GPR21: variants seen among roughly 807,000 people sequenced by gnomAD.
GPR21 encodes the protein probable G protein-coupled receptor 21.
GPR21 carries 9 observed loss-of-function variants against 21.5 expected under a neutral mutation model. The ratio of observed to expected loss-of-function variants is 0.42; its 90% CI spans 0.25 to 0.73. GPR21 has a LOEUF of 0.73. Ranked by LOEUF, GPR21 falls within the 30% of genes least tolerant of loss-of-function variation. The pLI, the probability that GPR21 is intolerant of heterozygous loss-of-function variation, is 0.27. For missense variants in GPR21, 416 were observed against 428.9 expected (o/e 0.97, Z 0.27); for synonymous variants, 169 against 159.3 (o/e 1.06, Z -0.46).
the GPR21 span, among the ~76,000 whole-genome samples, chr9:123,041,667 A>G: frequency 6.6e-6 from 1 of 152,204 alleles, no homozygotes; most frequent in Admixed American, 6.5e-5. Context: ...AGAATTTTGG[A>G]ATATGGAAAT....
At chr9:123,038,365 T>C (rs2032779328), downstream of GPR21, among the ~76,000 whole-genome samples, 2 of 152,146 alleles carry the variant, frequency 1.3e-5, no homozygotes, top group Admixed American at 6.6e-5. Context: ...TTGGGAAAAC[T>C]TGAATTTTTT....
chr9:123,037,528 G>A (rs1408589612), downstream of GPR21, among the ~76,000 whole-genome samples: 3 of 152,090 alleles, frequency 2.0e-5, no homozygotes, highest in African/African-American at 7.2e-5. Context: ...AAAAATGGTT[G>A]TATTGTATAC....
chr9:123,036,855 A>G (rs537795222), downstream of GPR21, among the ~76,000 whole-genome samples: 1 of 151,828 alleles, frequency 6.6e-6, no homozygotes, highest in East Asian at 1.9e-4. Context: ...AAAAACCTAT[A>G]GGATTTTATA....
chr9:123,042,116 G>A, the GPR21 span, among the ~76,000 whole-genome samples: 2 of 152,224 alleles, frequency 1.3e-5, no homozygotes, highest in African/African-American at 4.8e-5. Context: ...AAGAAAGTCT[G>A]TGTGTTAAAT....
chr9:123,035,331 T>G lies in GPR21; in HGVS notation c.765T>G (p.Phe255Leu), dbSNP rs763181351. ...ATAAGCGCTATGCCATGGTCCTGTT[T>G]CGAATCACTAGTGTATTTTACATCC... Reference protein sequence around the residue: ...CPDKRYAMVLFRITSVFYILW... With the variant: ...CPDKRYAMVLLRITSVFYILW... The change falls in exon 2 of 2, where the codon TTT (phenylalanine) becomes TTG (leucine). Residue 255 changes from phenylalanine to leucine, a missense_variant. Transcript: ENST00000616002. 2.0e-5 allele frequency: 32 copies of G among 1,614,068 alleles called. No homozygotes were observed. The African/African-American group carries it at 4.0e-4, about 20-fold the overall frequency.
chr9:123,043,957 A>G, the GPR21 span, among the ~76,000 whole-genome samples: 30 of 149,584 alleles, frequency 2.0e-4, no homozygotes, highest in Middle Eastern at 3.4e-3. Context: ...CTGGAGTGCA[A>G]TGGCGCGATC....
chr9:123,034,950 C>T lies in GPR21; in HGVS notation c.384C>T (p.Tyr128=). The T allele has an allele frequency of 6.2e-7, 1 of 1,613,126 alleles. No individual in the cohort carries two copies. Among genetic ancestry groups the T allele is most frequent in the Non-Finnish European group, 8.5e-7 (1 of 1,179,186 alleles). The change falls in exon 2 of 2, where the codon TAC becomes TAT. Residue 128 remains tyrosine (Y), a synonymous_variant. Transcript: ENST00000616002. The part of the protein sequence containing the change: ...ASLACISIDR[Y]IAITKPLTYN... ...TGGCCTGTATCAGCATTGATAGATACATTGCCATTACTAAACCTTTAACCT... is the reference window on the plus strand; with the variant it reads ...TGGCCTGTATCAGCATTGATAGATATATTGCCATTACTAAACCTTTAACCT...
At position 123,035,005 on chromosome 9, in the gene GPR21, C is replaced by G; in HGVS notation, c.439C>G (p.Arg147Gly). The G allele has an allele frequency of 6.2e-7, 1 of 1,613,458 alleles. No homozygotes were observed. The highest frequency in any genetic ancestry group is 1.1e-5 in the South Asian group (1 of 91,052). Reference protein sequence around the residue: ...YNTLVTPWRLRLCIFLIWLYS... With the variant: ...YNTLVTPWRLGLCIFLIWLYS... ...TACTCTGGTTACACCCTGGAGACTA[C>G]GCCTGTGTATTTTCCTGATTTGGCT... The change falls in exon 2 of 2, where the codon CGC becomes GGC. Residue 147 changes from arginine (R) to glycine (G), a missense_variant. By Grantham distance (125) the Arg-to-Gly change is moderately radical. Transcript: ENST00000616002.
chr9:123,034,335 C>A lies in GPR21; in HGVS notation c.-232C>A, dbSNP rs983183958. The A allele has an allele frequency of 1.8e-6, 1 of 550,286 alleles. No homozygotes were observed. Among genetic ancestry groups the A allele is most frequent in the Admixed American group, 3.5e-5 (1 of 28,628 alleles). 34.1% of individuals were successfully genotyped at this position (550,286 alleles called of 1,614,324 possible). On this transcript the variant is annotated 5_prime_UTR_variant, in exon 2 of 2. It adds an upstream start codon to the 5' untranslated region. Transcript: ENST00000616002. ...GGTGAACCTGGCACTATGGCCGCGT[C>A]TGGGACTGGCCAGACAACTGCTGCT...
At chr9:123,046,027 A>G in the GPR21 span, among the ~76,000 whole-genome samples, 3 of 152,186 alleles carry the variant, frequency 2.0e-5, no homozygotes, top group African/African-American at 7.2e-5. Context: ...GTGAATGTGG[A>G]GTGGCCTGGT....
chr9:123,047,918 G>C, the GPR21 span, among the ~76,000 whole-genome samples: 3 of 108,474 alleles, frequency 2.8e-5, no homozygotes, highest in Non-Finnish European at 6.2e-5. Flanking sequence ...ACAGCTGCTG[G>C]GTTTTTTTTT....
rs780764046 is a variant in GPR21, at chr9:123,035,201, T to C, written c.635T>C (p.Phe212Ser). Residue 212 changes from phenylalanine to serine, a missense_variant, in exon 2 of 2, where the codon TTC becomes TCC. Phe to Ser is a radical substitution (Grantham distance 155). Coordinates refer to ENST00000616002, the MANE Select transcript of GPR21 (RefSeq NM_005294.3). ...GCCCTTATTGTCTGCTTCACCTATT[T>C]CAACATCTTCCGCATCTGCCAACAG... The part of the protein sequence containing the change: ...PAALIVCFTY[F>S]NIFRICQQHT... 1 of 1,614,086 alleles carries C rather than the reference T, an allele frequency of 6.2e-7. No individual in the cohort carries two copies. The highest frequency in any genetic ancestry group is 1.1e-5 in the South Asian group (1 of 91,080).
Position 123,034,973 on chromosome 9 carries a change from CCTAT to C in GPR21, c.408_411del (p.Tyr137IlefsTer15). ...TACATTGCCATTACTAAACCTTTAA[CCTAT>C]AATACTCTGGTTACACCCTGGAGAC... On this transcript the variant is annotated frameshift_variant, in exon 2 of 2. Transcript: ENST00000616002. LOFTEE classifies it high-confidence loss of function. 6.2e-7 allele frequency: 1 copy of C among 1,613,862 alleles called. No individual in the cohort carries two copies. The highest frequency in any genetic ancestry group is 8.5e-7 in the Non-Finnish European group (1 of 1,179,770).
Position 123,034,333 on chromosome 9 carries a change from G to A in GPR21, c.-234G>A, listed in dbSNP as rs898426622. ...ATGGTGAACCTGGCACTATGGCCGC[G>A]TCTGGGACTGGCCAGACAACTGCTG... On this transcript the variant is annotated 5_prime_UTR_variant, in exon 2 of 2. Coordinates refer to ENST00000616002, the MANE Select transcript of GPR21 (RefSeq NM_005294.3). 9.1e-6 allele frequency: 5 copies of A among 547,132 alleles called. No individual in the cohort carries two copies. The highest frequency in any genetic ancestry group is 3.0e-5 in the East Asian group (1 of 33,802). The allele number at this position is 547,132 out of a possible 1,614,324, so 33.9% of individuals were successfully genotyped here. A position where few individuals can be genotyped will look rare whatever the true frequency, so the allele number is the denominator to read the frequency against.
At chr9:123,038,476 TCC>T (rs749523262), downstream of GPR21, among the ~76,000 whole-genome samples, 4 of 151,626 alleles carry the variant, frequency 2.6e-5, no homozygotes, top group Non-Finnish European at 5.9e-5. Flanking sequence ...TAGGAGGGTT[TCC>T]TCAGCTTTTC....
chr9:123,036,033 A>G (rs970009427), downstream of GPR21, among the ~76,000 whole-genome samples: 2 of 152,202 alleles, frequency 1.3e-5, no homozygotes, highest in African/African-American at 2.4e-5. Context: ...TTTGGGCTTC[A>G]TATGCAATTG....
In GPR21 at chr9:123,035,258, G is replaced by A. The variant is rs1271849578; in HGVS notation, c.692G>A (p.Arg231His). Residue 231 changes from arginine (R) to histidine (H), a missense_variant, in exon 2 of 2, where the codon CGC (arginine) becomes CAC (histidine). Arg to His is a conservative substitution (Grantham distance 29, BLOSUM62 0). Coordinates refer to ENST00000616002, the MANE Select transcript of GPR21 (RefSeq NM_005294.3). ...AAGGATATCAGCGAAAGGCAAGCCC[G>A]CTTCAGCAGCCAGAGTGGGGAGACT... is the stretch of plus-strand genomic sequence containing the variant. ...HTKDISERQA[R>H]FSSQSGETGE... is the part of the protein sequence containing the mutation. 17 of 1,614,002 alleles carry A rather than the reference G, an allele frequency of 1.1e-5. No individual in the cohort carries two copies. The highest frequency in any genetic ancestry group is 8.8e-5 in the South Asian group (8 of 91,084).
Position 123,035,594 on chromosome 9 carries a change from C to T in GPR21, c.1028C>T (p.Pro343Leu), listed in dbSNP as rs753289961. The change falls in exon 2 of 2, where the codon CCT becomes CTT. Residue 343 changes from proline to leucine, a missense_variant. Pro to Leu is a moderately conservative substitution (Grantham distance 98). Coordinates refer to ENST00000616002, the MANE Select transcript of GPR21 (RefSeq NM_005294.3). ...NDPYTVRSKGPLNGCHI is the reference protein window; with the variant it reads ...NDPYTVRSKGLLNGCHI ...CCTTACACAGTTAGAAGCAAAGGCC[C>T]TCTTAATGGATGTCATATCTGAAGT... 4 of 1,594,426 alleles carry T rather than the reference C, an allele frequency of 2.5e-6. No individual in the cohort carries two copies. Among genetic ancestry groups the T allele is most frequent in the African/African-American group, 1.3e-5 (1 of 74,078 alleles).
Position 123,034,604 on chromosome 9 carries a change from C to T in GPR21, c.38C>T (p.Pro13Leu). The T allele has an allele frequency of 6.2e-7, 1 of 1,612,524 alleles. No homozygotes were observed. The highest frequency in any genetic ancestry group is 1.1e-5 in the South Asian group (1 of 90,742). ...TTGGATGGTAATCAGAGCAGCCACC[C>T]TTTTTGCCTCTTGGCATTTGGCTAT... ...STLDGNQSSH[P>L]FCLLAFGYLE... The change falls in exon 2 of 2, where the codon CCT becomes CTT. Residue 13 changes from proline (P) to leucine (L), a missense_variant. By Grantham distance (98) the Pro-to-Leu change is moderately conservative. Coordinates refer to ENST00000616002, the MANE Select transcript of GPR21 (RefSeq NM_005294.3).
Sources: gnomAD v4.1 joint callset for allele counts (sites outside exome capture counted in the v4.1 genomes callset) on GRCh38, gnomAD v4.1.1 for gene constraint, MANE v1.5 for transcripts, NCBI Gene and HGNC (gene_info 2026-07-23, HGNC 2026-07-21) for gene names.